Variants in VPS13A observed in about 807,000 individuals in gnomAD.
The protein encoded by VPS13A is intermembrane lipid transfer protein VPS13A.
In VPS13A, 264 loss-of-function variants were observed where a neutral mutation model predicts 390.9. That is an observed-to-expected ratio of 0.68 (90% CI 0.61 to 0.75). VPS13A has a LOEUF of 0.75. Among genes scored for constraint, VPS13A ranks in the 30% least tolerant of loss-of-function variants. VPS13A has a pLI of 0.00. For synonymous variants in VPS13A, 1,231 were observed against 1,227.1 expected (o/e 1.00, Z -0.07); for missense variants, 3,409 against 3,733.9 (o/e 0.91, Z 2.27).
intron 38 of VPS13A, 113 bp downstream of exon 38, chr9:77,315,583 T>G: frequency 4.5e-6 from 5 of 1,116,132 alleles, no homozygotes; most frequent in Non-Finnish European, 6.5e-6. Context: ...AATTAAAATT[T>G]TATTTTTCAG....
At chr9:77,403,135 GC>G in intron 68 of VPS13A, 100 bp from the exon 69 acceptor site, 1 of 767,886 alleles carries the variant, frequency 1.3e-6, no homozygotes, top group Non-Finnish European at 2.3e-6. Context: ...TTAATGGTTT[GC>G]CCCATTGAGA....
At chr9:77,392,468 C>T (rs1587711401) in intron 68 of VPS13A, among the ~76,000 whole-genome samples, 1 of 151,906 alleles carries the variant, frequency 6.6e-6, no homozygotes, top group South Asian at 2.1e-4. Context: ...GCTTATCTGA[C>T]GTCAGTTTCC....
At chr9:77,357,950 G>GC in intron 56 of VPS13A, 112 bp downstream of exon 56, 2 of 633,754 alleles carry the variant, frequency 3.2e-6, no homozygotes, top group Non-Finnish European at 4.6e-6. Flanking sequence ...TGTTGTGCTA[G>GC]CCTTTTTTTT....
intron 19 of VPS13A, among the ~76,000 whole-genome samples, chr9:77,240,634 C>T (rs1331713231): frequency 6.0e-5 from 9 of 150,756 alleles, no homozygotes; most frequent in African/African-American, 2.2e-4. Flanking sequence ...TATGCCACCA[C>T]ACCCAGCTAA....
At position 77,323,154 on chromosome 9, in the gene VPS13A, T is replaced by A; in HGVS notation, c.5918T>A (p.Val1973Asp). The change falls in exon 45 of 72, where the codon GTT (valine) becomes GAT (aspartate). Residue 1973 changes from valine to aspartate, a missense_variant. By Grantham distance (152) the Val-to-Asp change is radical. Transcript: ENST00000360280. Reference protein sequence around the residue: ...LYTVRHRESGVERSIVCQIDT... With the variant: ...LYTVRHRESGDERSIVCQIDT... ...ACTGTAAGACACAGAGAGTCTGGCG[T>A]TGAAAGATCTATTGTTTGTCAAATT... The A allele has an allele frequency of 6.2e-7, 1 of 1,613,560 alleles. No individual in the cohort carries two copies. The highest frequency in any genetic ancestry group is 8.5e-7 in the Non-Finnish European group (1 of 1,179,626).
intron 71 of VPS13A, among the ~76,000 whole-genome samples, chr9:77,414,482 C>G (rs1457170474): frequency 6.6e-6 from 1 of 151,682 alleles, no homozygotes; most frequent in African/African-American, 2.4e-5. Context: ...AGCAAACTAT[C>G]ACAAGGACAA....
chr9:77,178,509 A>G (rs1246607064), intron 1 of VPS13A, among the ~76,000 whole-genome samples: 2 of 152,176 alleles, frequency 1.3e-5, no homozygotes, highest in Admixed American at 6.5e-5. Context: ...CATTTTCAAG[A>G]CTTTAGGATA....
In VPS13A at chr9:77,369,421, G is replaced by A; in HGVS notation, c.8667+9G>A. On this transcript the variant is annotated intron_variant, in intron 63 of 71. Transcript: ENST00000360280. ...TTTATGAACCTTACCAGGTAAAATA[G>A]TTATTTTTGTGGTTGTGCAATATGT... 1 of 1,535,686 alleles carries A rather than the reference G, an allele frequency of 6.5e-7. No individual in the cohort carries two copies. The highest frequency in any genetic ancestry group is 9.0e-7 in the Non-Finnish European group (1 of 1,108,738).
chr9:77,245,807 T>C (rs1333709906), intron 19 of VPS13A, among the ~76,000 whole-genome samples: 1 of 152,162 alleles, frequency 6.6e-6, no homozygotes, highest in Admixed American at 6.5e-5. Context: ...GGAGGCAGCG[T>C]AATTTGTGAA....
rs532447940 is a variant in VPS13A, at chr9:77,221,612, T to C, written c.1161+256T>C. Reference sequence around the variant, plus strand: ...GGTTCATGCAAATAGTATGATTATGTCATTTTTAACCTCAAAAGTCTAAAT... The same window carrying C: ...GGTTCATGCAAATAGTATGATTATGCCATTTTTAACCTCAAAAGTCTAAAT... On this transcript the variant is annotated intron_variant, in intron 13 of 71. Transcript: ENST00000360280. 6.6e-5 allele frequency among the ~76,000 whole-genome samples: 10 copies of C among 152,316 alleles called. No individual in the cohort carries two copies. The East Asian group carries it at 1.2e-3, about 18-fold the overall frequency.
intron 38 of VPS13A, 25 bp downstream of exon 38, chr9:77,315,495 A>T (rs758919568): frequency 2.3e-5 from 37 of 1,605,840 alleles, no homozygotes; most frequent in Non-Finnish European, 3.0e-5. Context: ...AAAATATTTA[A>T]TATTTGTTTT....
chr9:77,221,231 A>G lies in VPS13A; in HGVS notation c.1036A>G (p.Arg346Gly). Residue 346 changes from arginine to glycine, a missense_variant, in exon 13 of 72, where the codon AGG becomes GGG. Coordinates refer to ENST00000360280, the MANE Select transcript of VPS13A (RefSeq NM_033305.3). ...HGVLEVNVCPRLWMWSWKHIR... is the reference protein window; with the variant it reads ...HGVLEVNVCPGLWMWSWKHIR... ...CGTTCTTGAAGTAAATGTTTGCCCC[A>G]GGTTATGGATGTGGTCATGGAAGCA... is the stretch of plus-strand genomic sequence containing the variant. The G allele has an allele frequency of 1.9e-6, 3 of 1,613,554 alleles. No individual in the cohort carries two copies. The highest frequency in any genetic ancestry group is 2.5e-6 in the Non-Finnish European group (3 of 1,179,612).
intron 35 of VPS13A, among the ~76,000 whole-genome samples, chr9:77,310,573 C>T (rs550302135): frequency 2.2e-4 from 33 of 151,946 alleles, no homozygotes; most frequent in Non-Finnish European, 3.8e-4. Context: ...ATGCACTCAT[C>T]GTGACAGTGT....
intron 44 of VPS13A, among the ~76,000 whole-genome samples, chr9:77,322,369 G>A (rs1452952194): frequency 6.6e-6 from 1 of 151,728 alleles, no homozygotes; most frequent in South Asian, 2.1e-4. Context: ...ACCACTTTTT[G>A]ATACTCTGGC....
intron 45 of VPS13A, among the ~76,000 whole-genome samples, chr9:77,330,627 A>G (rs1376563569): frequency 6.6e-6 from 1 of 152,168 alleles, no homozygotes; most frequent in Non-Finnish European, 1.5e-5. Flanking sequence ...ATCAGAAAAT[A>G]TGTTGGAAAA....
chr9:77,398,615 C>T (rs1014982896), intron 68 of VPS13A, among the ~76,000 whole-genome samples: 1 of 152,038 alleles, frequency 6.6e-6, no homozygotes, highest in Admixed American at 6.5e-5. Flanking sequence ...GTGACTACAA[C>T]GTGACATTTG....
chr9:77,179,455 C>T (rs1823868543), intron 1 of VPS13A, among the ~76,000 whole-genome samples: 1 of 152,182 alleles, frequency 6.6e-6, no homozygotes, highest in African/African-American at 2.4e-5. Flanking sequence ...TCTCAAACTC[C>T]TGACCTCAAG....
At chr9:77,198,151 TA>T (rs200586318) in intron 1 of VPS13A, among the ~76,000 whole-genome samples, 22 of 152,084 alleles carry the variant, frequency 1.4e-4, no homozygotes, top group Middle Eastern at 6.8e-3. Flanking sequence ...TGTATTTATT[TA>T]TTTTTTTTTT....
chr9:77,405,705 C>CTTTATGGTTCCAGTTCT (rs1461028381), intron 69 of VPS13A, among the ~76,000 whole-genome samples, 159 bp from the exon 70 acceptor site: 1 of 152,274 alleles, frequency 6.6e-6, no homozygotes, highest in East Asian at 1.9e-4. Context: ...TGAGGACACA[C>CTTTATGGTTCCAGTTCT]TTTATGGTTC....
Sources: gnomAD v4.1 joint callset for allele counts (sites outside exome capture counted in the v4.1 genomes callset) on GRCh38, gnomAD v4.1.1 for gene constraint, MANE v1.5 for transcripts, NCBI Gene and HGNC (gene_info 2026-07-23, HGNC 2026-07-21) for gene names.